Variants in SGTA observed in about 807,000 individuals in gnomAD.
SGTA encodes small glutamine rich tetratricopeptide repeat co-chaperone alpha.
SGTA carries 22 observed loss-of-function variants against 44.3 expected under a neutral mutation model. The observed-to-expected ratio is 0.50, with a 90% CI of 0.36 to 0.71. The LOEUF is 0.71. SGTA is among the 30% of genes least tolerant of loss of function. The pLI is 0.00. For synonymous variants in SGTA, 174 were observed against 177.6 expected (o/e 0.98, Z 0.16); for missense variants, 341 against 435.9 (o/e 0.78, Z 1.94).
chr19:2,782,492 T>C (rs1915595324), intron 1 of SGTA: 1 of 152,238 alleles, frequency 6.6e-6, no homozygotes, highest in South Asian at 2.1e-4. Context: ...ATCCTCATAA[T>C]GACCCTCCGA....
intron 1 of SGTA, chr19:2,782,465 T>A (rs1041497308): frequency 6.6e-6 from 1 of 152,202 alleles, no homozygotes; most frequent in Non-Finnish European, 1.5e-5. Flanking sequence ...CCTGATCAAA[T>A]AATTGAATGT....
chr19:2,764,032 G>A (rs941252388), intron 5 of SGTA, among the ~76,000 whole-genome samples: 5 of 152,200 alleles, frequency 3.3e-5, no homozygotes, highest in Non-Finnish European at 5.9e-5. Context: ...CTGTACAAGA[G>A]CAATGAGGGT....
chr19:2,756,573 C>T (rs112518228), intron 11 of SGTA, among the ~76,000 whole-genome samples: 7 of 151,920 alleles, frequency 4.6e-5, no homozygotes, highest in Admixed American at 6.6e-5. Flanking sequence ...GAGGGGACAA[C>T]GACAAAATGA....
Position 2,772,497 on chromosome 19 carries a change from G to A in SGTA, c.-23-3406C>T, listed in dbSNP as rs566406411. 2.2e-4 allele frequency among the ~76,000 whole-genome samples: 33 copies of A among 152,324 alleles called. No individual in the cohort carries two copies. The Middle Eastern group carries it at 0.01, about 47-fold the overall frequency. ...GCTGGGCCCCAGGGACCCTCTGCGC[G>A]CAGCCACGCTGACAGGCGGCTCCAG... is the stretch of plus-strand genomic sequence containing the variant. On this transcript the variant is annotated intron_variant, in intron 1 of 11. Transcript: ENST00000221566.
intron 1 of SGTA, among the ~76,000 whole-genome samples, chr19:2,778,180 C>T (rs1441729091): frequency 6.6e-6 from 1 of 152,074 alleles, no homozygotes; most frequent in Non-Finnish European, 1.5e-5. Flanking sequence ...ATTCCAGGCA[C>T]ACAGGGCCTA....
At chr19:2,778,583 G>A (rs760565125) in intron 1 of SGTA, among the ~76,000 whole-genome samples, 104 of 151,420 alleles carry the variant, frequency 6.9e-4, no homozygotes, top group Non-Finnish European at 1.2e-3. Context: ...CCCTGGGACA[G>A]AGCTGAGCAG....
rs749646640 is a variant in SGTA at position 2,768,965 on chromosome 19, C to T, written c.100+4G>A. On this transcript the variant is annotated splice_donor_region_variant and intron_variant, in intron 2 of 11. Coordinates refer to ENST00000221566, the MANE Select transcript of SGTA (RefSeq NM_003021.4). ...AGAGGGGGAAGTGGCAGGCACCCACCTACCTTCCAAGCTCTCCTGAGCATC... is the reference window on the plus strand; with the variant it reads ...AGAGGGGGAAGTGGCAGGCACCCACTTACCTTCCAAGCTCTCCTGAGCATC... The T allele has an allele frequency of 2.5e-6, 4 of 1,609,864 alleles. No individual in the cohort carries two copies. The African/African-American group carries it at 5.3e-5, about 21-fold the overall frequency.
Position 2,763,588 on chromosome 19 carries a change from A to G in SGTA, c.497+65T>C. On this transcript the variant is annotated intron_variant, in intron 6 of 11. Transcript: ENST00000221566. This position sits in a 1 kb window ranked among gnomAD's most constrained non-coding sequence, Gnocchi z 5.8. ...TGGGAAAAAAGCCACACAAGAGAGGAAGCAGGAGCAGGAGAGGAGGGGTCC... is the reference window on the plus strand; with the variant it reads ...TGGGAAAAAAGCCACACAAGAGAGGGAGCAGGAGCAGGAGAGGAGGGGTCC... 1 of 1,106,878 alleles carries G rather than the reference A, an allele frequency of 9.0e-7. No individual in the cohort carries two copies. The highest frequency in any genetic ancestry group is 1.3e-6 in the Non-Finnish European group (1 of 756,276). 68.6% of individuals were successfully genotyped at this position (1,106,878 alleles called of 1,614,324 possible).
rs545604983 is a variant in SGTA at position 2,755,366 on chromosome 19, G to A, written c.*574C>T. On this transcript the variant is annotated 3_prime_UTR_variant, in exon 12 of 12. Coordinates refer to ENST00000221566, the MANE Select transcript of SGTA (RefSeq NM_003021.4). The surrounding 1 kb of genome is among the most constrained non-coding windows in gnomAD (Gnocchi z 5.2). ...GCGGAGGCGTGGGGTGACCGCAGCC[G>A]TCTCTTAGGTGTCTGCCACTAAAGA... 184 of 984,424 alleles carry A rather than the reference G, an allele frequency of 1.9e-4. No individual in the cohort carries two copies. The African/African-American group carries it at 2.4e-3, about 13-fold the overall frequency. The allele number at this position is 984,424 out of a possible 1,614,324, so 61.0% of individuals were successfully genotyped here. A position where few individuals can be genotyped will look rare whatever the true frequency, so the allele number is the denominator to read the frequency against.
intron 1 of SGTA, among the ~76,000 whole-genome samples, chr19:2,775,561 A>C (rs995295402): frequency 1.3e-5 from 2 of 152,212 alleles, no homozygotes; most frequent in African/African-American, 4.8e-5. Context: ...AACAAAACAG[A>C]GAGCAAAAGA....
At chr19:2,759,458 G>GC (rs147913895) in intron 8 of SGTA, 164 bp from the exon 9 acceptor site, 7,585 of 632,768 alleles carry the variant, frequency 0.012, 70 homozygotes, top group Non-Finnish European at 0.017. Context: ...CTACATTTTC[G>GC]CCCCCCCACC....
At position 2,755,451 on chromosome 19, in the gene SGTA, T is replaced by C. The variant is rs1275213093; in HGVS notation, c.*489A>G. On this transcript the variant is annotated 3_prime_UTR_variant, in exon 12 of 12. Transcript: ENST00000221566. The surrounding 1 kb of genome is among the most constrained non-coding windows in gnomAD (Gnocchi z 5.2). ...CAGGCCGCAGCTGGCAGTGAGCTCT[T>C]CCGAGCAGGCACAGGGCCGGGGTGG... 3 of 987,528 alleles carry C rather than the reference T, an allele frequency of 3.0e-6. No homozygotes were observed. Among genetic ancestry groups the C allele is most frequent in the Non-Finnish European group, 2.4e-6 (2 of 830,212 alleles). 61.2% of individuals were successfully genotyped at this position (987,528 alleles called of 1,614,324 possible).
In SGTA at chr19:2,755,181, G is replaced by C. The variant is rs1914786078; in HGVS notation, c.*759C>G. The stretch of plus-strand genomic sequence containing the variant: ...CCCAGCTGCCTTCCCTGTGCCCGGG[G>C]CTAAGGCGGCCGGGACAGAAGGTCA... On this transcript the variant is annotated 3_prime_UTR_variant, in exon 12 of 12. Coordinates refer to ENST00000221566, the MANE Select transcript of SGTA (RefSeq NM_003021.4). This position sits in a 1 kb window ranked among gnomAD's most constrained non-coding sequence, Gnocchi z 5.2. 1 of 155,848 alleles carries C rather than the reference G, an allele frequency of 6.4e-6. No individual in the cohort carries two copies. The highest frequency in any genetic ancestry group is 1.4e-5 in the Non-Finnish European group (1 of 70,724). The allele number at this position is 155,848 out of a possible 1,614,324, so 9.7% of individuals were successfully genotyped here.
chr19:2,769,410 G>A (rs1378146625), intron 1 of SGTA, among the ~76,000 whole-genome samples: 17 of 152,104 alleles, frequency 1.1e-4, no homozygotes, highest in African/African-American at 2.4e-4. Context: ...GGTCCCCTCC[G>A]CCCCTGCTTC....
intron 9 of SGTA, 136 bp from the exon 10 acceptor site, chr19:2,757,918 C>G: frequency 3.5e-6 from 2 of 574,020 alleles, no homozygotes; most frequent in Non-Finnish European, 5.8e-6. Flanking sequence ...CTCTCACCAC[C>G]TGGTGGGCCT....
At chr19:2,771,006 G>T (rs992326233) in intron 1 of SGTA, among the ~76,000 whole-genome samples, 2 of 152,256 alleles carry the variant, frequency 1.3e-5, no homozygotes, top group African/African-American at 2.4e-5. Flanking sequence ...CGGGTTGTTC[G>T]GCCTGAGCCT....
chr19:2,760,517 C>CAA (rs58836148), intron 8 of SGTA, among the ~76,000 whole-genome samples: 1,540 of 50,120 alleles, frequency 0.031, 68 homozygotes, highest in African/African-American at 0.091. Flanking sequence ...GACTCCATCT[C>CAA]AAAAAAAAAA....
At chr19:2,768,238 A>C (rs1915205371) in intron 2 of SGTA, among the ~76,000 whole-genome samples, 2 of 152,060 alleles carry the variant, frequency 1.3e-5, no homozygotes, top group South Asian at 4.2e-4. Flanking sequence ...CGAGCCAGAC[A>C]ACACTAGCCC....
intron 1 of SGTA, among the ~76,000 whole-genome samples, chr19:2,776,832 G>A (rs773871848): frequency 2.6e-5 from 4 of 151,986 alleles, no homozygotes; most frequent in Non-Finnish European, 4.4e-5. Context: ...TCATGGTGGC[G>A]CACACCTGTA....
Sources: allele counts gnomAD v4.1 joint callset (sites outside exome capture counted in the v4.1 genomes callset), GRCh38; gene constraint gnomAD v4.1.1; non-coding constraint Gnocchi (gnomAD v3.1); transcripts MANE v1.5; gene names NCBI Gene and HGNC (gene_info 2026-07-23, HGNC 2026-07-21).